Variants in VAC14 observed in about 807,000 individuals in gnomAD.
VAC14 encodes the protein VAC14 component of PIKFYVE complex, also known as protein VAC14 homolog.
VAC14 carries 47 observed loss-of-function variants against 85.3 expected under a neutral mutation model. That is an observed-to-expected ratio of 0.55 (90% CI 0.44 to 0.70). The LOEUF (loss-of-function observed/expected upper bound fraction) is 0.70, where lower values mean the gene tolerates loss of function less well. Among genes scored for constraint, VAC14 ranks in the 30% least tolerant of loss-of-function variants. The probability of loss-of-function intolerance (pLI) is 0.00; values close to 1 mark genes in which losing one functional copy is unlikely to be tolerated. For synonymous variants in VAC14, 447 were observed against 430.5 expected, an observed-to-expected ratio of 1.04 and a Z score of -0.47; for missense variants, 861 against 1,004.3, an observed-to-expected ratio of 0.86 and a Z score of 1.93.
At chr16:70,753,901 C>T (rs1266840506) in intron 12 of VAC14, among the ~76,000 whole-genome samples, 2 of 152,146 alleles carry the variant, frequency 1.3e-5, no homozygotes, top group Non-Finnish European at 2.9e-5. Flanking sequence ...GAAAGGCTGG[C>T]TGGGCTGGCT....
chr16:70,694,085 T>G (rs2053656821), intron 17 of VAC14, among the ~76,000 whole-genome samples: 1 of 152,222 alleles, frequency 6.6e-6, no homozygotes, highest in South Asian at 2.1e-4. Context: ...ACCAGCCACC[T>G]CTAGGATCCA....
chr16:70,778,010 G>C (rs13338727), intron 9 of VAC14, among the ~76,000 whole-genome samples: 6,049 of 152,254 alleles, frequency 0.04, 387 homozygotes, highest in African/African-American at 0.13. Flanking sequence ...GGCTGAGAGT[G>C]GATGTAAAGG....
intron 9 of VAC14, among the ~76,000 whole-genome samples, chr16:70,775,114 T>C (rs2033454130): frequency 6.6e-6 from 1 of 152,212 alleles, no homozygotes; most frequent in African/African-American, 2.4e-5. Flanking sequence ...AATTCAATTA[T>C]TTATGTCATT....
intron 1 of VAC14, among the ~76,000 whole-genome samples, chr16:70,800,281 G>C (rs1445322140): frequency 6.6e-6 from 1 of 152,148 alleles, no homozygotes; most frequent in African/African-American, 2.4e-5. Flanking sequence ...TGCAGGGAAG[G>C]GTGTTATAAC....
intron 13 of VAC14, among the ~76,000 whole-genome samples, chr16:70,739,516 TG>T (rs1230288360): frequency 6.6e-6 from 1 of 152,218 alleles, no homozygotes; most frequent in African/African-American, 2.4e-5. Context: ...CCTCTGGCTG[TG>T]GAAGCTTCCA....
intron 15 of VAC14, among the ~76,000 whole-genome samples, chr16:70,697,971 C>T (rs1195722348): frequency 3.0e-5 from 4 of 131,278 alleles, no homozygotes; most frequent in African/African-American, 8.2e-5. Flanking sequence ...TGTCCCCGCA[C>T]GGCCTCTGCA....
At position 70,707,078 on chromosome 16, in the gene VAC14, G is replaced by C. The variant is rs2053934578; in HGVS notation, c.1662-8267C>G. Among the ~76,000 whole-genome samples, 4 of 152,216 alleles carry C rather than the reference G, an allele frequency of 2.6e-5. No individual in the cohort carries two copies. The South Asian group carries it at 8.3e-4, about 31-fold the overall frequency. ...GGTCAGTATAACCTTAGGATAGGGA[G>C]AGGAGGGAGTAGCCTCCCATCTCTA... On this transcript the variant is annotated intron_variant, in intron 14 of 18. Coordinates refer to ENST00000261776, the MANE Select transcript of VAC14 (RefSeq NM_018052.5).
At chr16:70,761,521 C>T (rs2032383379) in intron 12 of VAC14, among the ~76,000 whole-genome samples, 1 of 152,254 alleles carries the variant, frequency 6.6e-6, no homozygotes, top group Non-Finnish European at 1.5e-5. Flanking sequence ...AACCCTGCCG[C>T]TTGGCTGGGA....
At chr16:70,742,213 T>C (rs1341433615) in intron 13 of VAC14, among the ~76,000 whole-genome samples, 1 of 152,114 alleles carries the variant, frequency 6.6e-6, no homozygotes, top group Admixed American at 6.5e-5. Context: ...GGCGCCTGCT[T>C]CCTGGGGAGG....
chr16:70,732,191 G>A (rs777223456), intron 13 of VAC14, among the ~76,000 whole-genome samples: 103 of 152,282 alleles, frequency 6.8e-4, no homozygotes, highest in Middle Eastern at 6.8e-3. Context: ...GGAATGATGC[G>A]CACAGCCACT....
Position 70,695,593 on chromosome 16 carries a change from G to A in VAC14, c.1986C>T (p.Leu662=), listed in dbSNP as rs1347311516. ...GCTGCACCAGCTTGTCCACCTCTGC[G>A]AGGAAGTCCACGGTGACCTCCAGGT... The part of the protein sequence containing the change: ...FGDLEVTVDF[L]AEVDKLVQLI... The change falls in exon 17 of 19, where the codon CTC becomes CTT. Residue 662 remains leucine (L), a synonymous_variant. Transcript: ENST00000261776. 6 of 1,613,792 alleles carry A rather than the reference G, an allele frequency of 3.7e-6. No homozygotes were observed. The African/African-American group carries it at 5.3e-5, about 14-fold the overall frequency.
chr16:70,721,061 G>A (rs535128093), intron 14 of VAC14, among the ~76,000 whole-genome samples: 1 of 152,330 alleles, frequency 6.6e-6, no homozygotes, highest in South Asian at 2.1e-4. Flanking sequence ...CTGAGAAGAG[G>A]GGGTGACACA....
intron 12 of VAC14, chr16:70,754,994 CA>C: frequency 6.2e-6 from 1 of 161,680 alleles, no homozygotes; most frequent in African/African-American, 2.4e-5. Flanking sequence ...GAAGGGATCT[CA>C]GACCATCCAG....
intron 12 of VAC14, among the ~76,000 whole-genome samples, chr16:70,757,432 G>T (rs934632578): frequency 6.6e-6 from 1 of 152,180 alleles, no homozygotes; most frequent in Non-Finnish European, 1.5e-5. Context: ...ATGCAGCCTT[G>T]CTCCTGCTCT....
chr16:70,777,363 T>G (rs964171380), intron 9 of VAC14, among the ~76,000 whole-genome samples: 3 of 152,222 alleles, frequency 2.0e-5, no homozygotes, highest in Non-Finnish European at 4.4e-5. Flanking sequence ...GTATTACTAT[T>G]GTTACCCTAC....
chr16:70,772,370 T>G (rs994557209), intron 9 of VAC14, 198 bp from the exon 10 acceptor site: 2 of 558,968 alleles, frequency 3.6e-6, no homozygotes, highest in Non-Finnish European at 6.4e-6. Context: ...CTTGTAAGTC[T>G]GTAGTCACAG....
intron 17 of VAC14, among the ~76,000 whole-genome samples, chr16:70,693,640 G>C (rs2142987293): frequency 6.6e-6 from 1 of 152,312 alleles, no homozygotes; most frequent in African/African-American, 2.4e-5. Flanking sequence ...CTGCAGCACG[G>C]ACCCCGCTGG....
chr16:70,695,705 C>T (rs113340576), intron 16 of VAC14, 82 bp from the exon 17 acceptor site: 7 of 1,361,382 alleles, frequency 5.1e-6, no homozygotes, highest in African/African-American at 1.4e-5. Context: ...CCCCCCTGCA[C>T]CTGGCTTCCT....
chr16:70,733,429 G>C (rs1269893584), intron 13 of VAC14, among the ~76,000 whole-genome samples: 1 of 150,142 alleles, frequency 6.7e-6, no homozygotes, highest in African/African-American at 2.5e-5. Flanking sequence ...TTTTTTTTGA[G>C]ACAGGGTGAT....
Sources: allele counts gnomAD v4.1 joint callset (sites outside exome capture counted in the v4.1 genomes callset), GRCh38; gene constraint gnomAD v4.1.1; transcripts MANE v1.5; gene names NCBI Gene and HGNC (gene_info 2026-07-23, HGNC 2026-07-21).